Variants in TEKT5 observed in about 807,000 individuals in gnomAD.
TEKT5 encodes the protein tektin-5.
TEKT5 carries 52 observed loss-of-function variants against 48.7 expected under a neutral mutation model. The observed-to-expected ratio is 1.07, with a 90% CI of 0.86 to 1.35. The LOEUF (loss-of-function observed/expected upper bound fraction) is 1.35. Among genes scored for constraint, TEKT5 ranks in the 40% most tolerant of loss-of-function variants. The pLI, the probability that TEKT5 is intolerant of heterozygous loss-of-function variation, is 0.00. For missense variants in TEKT5, 831 were observed against 641.6 expected, an observed-to-expected ratio of 1.30 and a Z score of -3.19; for synonymous variants, 318 against 267.6, an observed-to-expected ratio of 1.19 and a Z score of -1.84.
At chr16:10,661,290 G>C (rs1325498081) in intron 5 of TEKT5, among the ~76,000 whole-genome samples, 1 of 152,158 alleles carries the variant, frequency 6.6e-6, no homozygotes, top group Non-Finnish European at 1.5e-5. Context: ...TAAGTCTGCT[G>C]CTCCTCTGGG....
At chr16:10,652,869 A>ACACC (rs1178174946) in intron 5 of TEKT5, among the ~76,000 whole-genome samples, 1,465 of 88,860 alleles carry the variant, frequency 0.016, 178 homozygotes, top group African/African-American at 0.06. Context: ...ACACACACAC[A>ACACC]CCCTCCAGGT....
intron 5 of TEKT5, among the ~76,000 whole-genome samples, chr16:10,651,879 T>C (rs1191382667): frequency 1.3e-5 from 2 of 152,150 alleles, no homozygotes; most frequent in African/African-American, 2.4e-5. Flanking sequence ...GAAGAATCAC[T>C]TGAACCCGGG....
At chr16:10,676,401 G>A (rs549423331) in intron 4 of TEKT5, among the ~76,000 whole-genome samples, 2 of 152,200 alleles carry the variant, frequency 1.3e-5, no homozygotes, top group South Asian at 2.1e-4. Flanking sequence ...TCCAGACATC[G>A]CCAAATGACC....
intron 5 of TEKT5, among the ~76,000 whole-genome samples, chr16:10,673,049 G>C (rs773164925): frequency 2.6e-5 from 4 of 152,068 alleles, no homozygotes; most frequent in Non-Finnish European, 5.9e-5. Flanking sequence ...TAAGAAAGTT[G>C]TCCAAGTTTA....
intron 5 of TEKT5, among the ~76,000 whole-genome samples, chr16:10,642,407 C>T (rs1270274678): frequency 6.6e-6 from 1 of 152,202 alleles, no homozygotes; most frequent in African/African-American, 2.4e-5. Flanking sequence ...CCAGAGCCCA[C>T]TGAAATGATC....
At chr16:10,674,293 C>T (rs1898602624) in intron 5 of TEKT5, among the ~76,000 whole-genome samples, 1 of 152,094 alleles carries the variant, frequency 6.6e-6, no homozygotes, top group African/African-American at 2.4e-5. Context: ...CTGGCTCACC[C>T]ACCCTTGCTC....
intron 1 of TEKT5, chr16:10,690,251 T>C (rs1453161656): frequency 5.5e-6 from 3 of 545,570 alleles, no homozygotes; most frequent in African/African-American, 3.8e-5. Context: ...GCAAGGCCCA[T>C]GTAGAGAAAA....
chr16:10,646,385 G>T (rs1165787620), intron 5 of TEKT5, among the ~76,000 whole-genome samples: 2 of 152,158 alleles, frequency 1.3e-5, no homozygotes, highest in African/African-American at 4.8e-5. Flanking sequence ...TTTTAAGATA[G>T]GGGAAAACTG....
intron 3 of TEKT5, among the ~76,000 whole-genome samples, chr16:10,682,658 G>A (rs1898777340): frequency 6.6e-6 from 1 of 152,210 alleles, no homozygotes; most frequent in Non-Finnish European, 1.5e-5. Flanking sequence ...GGATGGGTAA[G>A]CACTTACCGT....
chr16:10,690,215 G>C, intron 1 of TEKT5, 190 bp from the exon 2 acceptor site: 2 of 599,854 alleles, frequency 3.3e-6, no homozygotes, highest in East Asian at 2.8e-5. Context: ...GCTGTGGGTT[G>C]TCATATGACC....
chr16:10,682,534 C>T lies in TEKT5; in HGVS notation c.720-398G>A, dbSNP rs150043339. Among the ~76,000 whole-genome samples the T allele has an allele frequency of 2.8e-3, 432 of 152,242 alleles. 3 individuals carry two copies. Among genetic ancestry groups the T allele is most frequent in the African/African-American group, 8.5e-3 (353 of 41,546 alleles). The stretch of plus-strand genomic sequence containing the variant: ...TTGTAGACATGGTCTTGCTGTGTTG[C>T]GCAGGCTGGTCTTGAACTCCTAGGC... On this transcript the variant is annotated intron_variant, in intron 3 of 6. Transcript: ENST00000283025.
At chr16:10,635,028 A>T (rs929339628) in intron 6 of TEKT5, among the ~76,000 whole-genome samples, 3 of 152,132 alleles carry the variant, frequency 2.0e-5, no homozygotes, top group African/African-American at 7.2e-5. Flanking sequence ...TTACACAGCA[A>T]TAGACAACTA....
At position 10,635,876 on chromosome 16, in the gene TEKT5, G is replaced by A; in HGVS notation, c.1129C>T (p.Leu377=). ...TCCTTGGCCATGATGGACCTTTCCA[G>A]CAGCATGATGGTGTTCTCGGCCTGG... The part of the protein sequence containing the change: ...IFQAENTIML[L]ERSIMAKEGP... Residue 377 remains leucine (L), a synonymous_variant, in exon 6 of 7, where the codon CTG becomes TTG. Coordinates refer to ENST00000283025, the MANE Select transcript of TEKT5 (RefSeq NM_144674.2). 6.2e-7 allele frequency: 1 copy of A among 1,614,128 alleles called. No individual in the cohort carries two copies. Among genetic ancestry groups the A allele is most frequent in the Non-Finnish European group, 8.5e-7 (1 of 1,180,052 alleles).
intron 5 of TEKT5, among the ~76,000 whole-genome samples, chr16:10,670,694 G>C (rs984540136): frequency 2.0e-5 from 3 of 152,060 alleles, no homozygotes; most frequent in Non-Finnish European, 2.9e-5. Flanking sequence ...AATAGCGTAG[G>C]GTTGGAGTTT....
intron 5 of TEKT5, among the ~76,000 whole-genome samples, chr16:10,659,284 T>C (rs1898318939): frequency 6.6e-6 from 1 of 152,242 alleles, no homozygotes; most frequent in South Asian, 2.1e-4. Flanking sequence ...ACCTGACGAA[T>C]ATGTACAACT....
chr16:10,658,163 G>A (rs1487742451), intron 5 of TEKT5, among the ~76,000 whole-genome samples: 3 of 152,096 alleles, frequency 2.0e-5, no homozygotes, highest in South Asian at 2.1e-4. Context: ...ACTTATATGC[G>A]GCTGGTGGAA....
At chr16:10,689,806 C>G in intron 2 of TEKT5, 136 bp downstream of exon 2, 1 of 781,194 alleles carries the variant, frequency 1.3e-6, no homozygotes, top group Non-Finnish European at 2.0e-6. Flanking sequence ...GACCTCCACC[C>G]ATGCTTCCTG....
intron 6 of TEKT5, among the ~76,000 whole-genome samples, chr16:10,630,878 G>C (rs899404970): frequency 6.6e-6 from 1 of 151,674 alleles, no homozygotes; most frequent in South Asian, 2.1e-4. Flanking sequence ...AAAAAAATTA[G>C]CCAGGTGTCA....
chr16:10,683,032 T>C (rs539551865), intron 3 of TEKT5, among the ~76,000 whole-genome samples: 25 of 152,230 alleles, frequency 1.6e-4, no homozygotes, highest in African/African-American at 5.8e-4. Context: ...AATATATGTA[T>C]ATATGTACAG....
Sources: allele counts gnomAD v4.1 joint callset (sites outside exome capture counted in the v4.1 genomes callset), GRCh38; gene constraint gnomAD v4.1.1; transcripts MANE v1.5; gene names NCBI Gene and HGNC (gene_info 2026-07-23, HGNC 2026-07-21).